ARFGEF2: variants seen among roughly 807,000 people sequenced by gnomAD.
ARFGEF2 encodes the protein brefeldin A-inhibited guanine nucleotide-exchange protein 2.
In ARFGEF2, 74 loss-of-function variants were observed where a neutral mutation model predicts 219.9. That is an observed-to-expected ratio of 0.34 (90% confidence interval 0.28 to 0.41). ARFGEF2 has a LOEUF of 0.41. ARFGEF2 is among the 10% of genes least tolerant of loss of function. ARFGEF2 has a pLI of 1.00. For missense variants in ARFGEF2, 1,743 were observed against 2,218.3 expected (o/e 0.79, Z 4.30); for synonymous variants, 733 against 799.2 (o/e 0.92, Z 1.40).
intron 26 of ARFGEF2, among the ~76,000 whole-genome samples, chr20:49,005,830 G>A (rs1296417670): frequency 6.6e-6 from 1 of 151,512 alleles, no homozygotes; most frequent in Non-Finnish European, 1.5e-5. Flanking sequence ...CACTGCAGAA[G>A]CATCCTCAAA....
At chr20:48,994,669 C>T in intron 22 of ARFGEF2, 71 bp downstream of exon 22, 2 of 1,590,964 alleles carry the variant, frequency 1.3e-6, no homozygotes, top group Non-Finnish European at 8.5e-7. Flanking sequence ...CTTCTTGTCT[C>T]ATCAGGACTG....
At position 49,018,942 on chromosome 20, in the gene ARFGEF2, G is replaced by A; in HGVS notation, c.4568G>A (p.Gly1523Glu). The A allele has an allele frequency of 1.9e-6, 3 of 1,614,080 alleles. No individual in the cohort carries two copies. Among genetic ancestry groups the A allele is most frequent in the Non-Finnish European group, 2.5e-6 (3 of 1,179,966 alleles). Reference protein sequence around the residue: ...SSIDKNPSERGQSQLSNPTDD... With the variant: ...SSIDKNPSEREQSQLSNPTDD... Reference sequence around the variant, plus strand: ...ATAGATAAAAATCCCTCTGAGAGGGGACAGAGCCAGCTCTCTAACCCAACA... The same window carrying A: ...ATAGATAAAAATCCCTCTGAGAGGGAACAGAGCCAGCTCTCTAACCCAACA... The change falls in exon 34 of 39, where the codon GGA (glycine) becomes GAA (glutamate). Residue 1523 changes from glycine (G) to glutamate (E), a missense_variant. Physicochemically the swap from Gly to Glu is moderately conservative, Grantham distance 98. Transcript: ENST00000371917.
intron 11 of ARFGEF2, among the ~76,000 whole-genome samples, chr20:48,972,847 A>AT (rs1316495110): frequency 2.0e-5 from 3 of 152,232 alleles, no homozygotes; most frequent in East Asian, 3.8e-4. Flanking sequence ...TAATTTTGTA[A>AT]GAGTGACACA....
chr20:49,016,572 G>A (rs564517196), intron 31 of ARFGEF2, among the ~76,000 whole-genome samples, 157 bp downstream of exon 31: 1 of 151,626 alleles, frequency 6.6e-6, no homozygotes, highest in Admixed American at 6.6e-5. Flanking sequence ...AAAAAACAGT[G>A]CCCCCCCCAA....
intron 1 of ARFGEF2, among the ~76,000 whole-genome samples, chr20:48,928,859 G>A (rs181260076): frequency 5.9e-5 from 9 of 152,292 alleles, no homozygotes; most frequent in Admixed American, 5.2e-4. Context: ...CTATTAGTTG[G>A]TTTATAGACC....
At chr20:49,003,850 A>G (rs1276573858) in intron 25 of ARFGEF2, among the ~76,000 whole-genome samples, 1 of 152,204 alleles carries the variant, frequency 6.6e-6, no homozygotes, top group Non-Finnish European at 1.5e-5. Flanking sequence ...TACAATTTTT[A>G]AGGAAATTGA....
chr20:48,995,483 CAATT>C (rs1166443264), intron 22 of ARFGEF2, among the ~76,000 whole-genome samples: 2 of 152,170 alleles, frequency 1.3e-5, no homozygotes, highest in Non-Finnish European at 2.9e-5. Context: ...GGATTAATAT[CAATT>C]GATTCAAATT....
At position 49,010,426 on chromosome 20, in the gene ARFGEF2, C is replaced by G. The variant is rs766567417; in HGVS notation, c.3757+22C>G. On this transcript the variant is annotated intron_variant, in intron 27 of 38. Transcript: ENST00000371917. Reference sequence around the variant, plus strand: ...GTCAGTAAGTGGCTCTGTTCCCTCCCTACTAATGTCCCACCTGCAAGTCTA... The same window carrying G: ...GTCAGTAAGTGGCTCTGTTCCCTCCGTACTAATGTCCCACCTGCAAGTCTA... The G allele has an allele frequency of 9.1e-5, 147 of 1,611,916 alleles. 1 individual carries two copies. The Middle Eastern group carries it at 9.9e-4, about 11-fold the overall frequency.
chr20:48,967,964 G>A (rs1397769429), intron 8 of ARFGEF2, among the ~76,000 whole-genome samples: 5 of 151,962 alleles, frequency 3.3e-5, no homozygotes, highest in Non-Finnish European at 5.9e-5. Context: ...ATATGTGGGG[G>A]ATATTAATCT....
Position 48,976,116 on chromosome 20 carries a change from G to A in ARFGEF2, c.1875G>A (p.Gly625=), listed in dbSNP as rs1482958513. 1 of 1,613,806 alleles carries A rather than the reference G, an allele frequency of 6.2e-7. No individual in the cohort carries two copies. Among genetic ancestry groups the A allele is most frequent in the Non-Finnish European group, 8.5e-7 (1 of 1,180,016 alleles). ...CCATGGAGTCCACAGTGTCCTCGGG[G>A]ACCCAGACAACTGTTCAGGATGACC... ...VTSMESTVSS[G]TQTTVQDDPE... Residue 625 remains glycine, a synonymous_variant, in exon 14 of 39, where the codon GGG becomes GGA. Coordinates refer to ENST00000371917, the MANE Select transcript of ARFGEF2 (RefSeq NM_006420.3).
intron 1 of ARFGEF2, among the ~76,000 whole-genome samples, chr20:48,937,912 A>G (rs900479265): frequency 4.6e-5 from 7 of 152,238 alleles, no homozygotes; most frequent in Non-Finnish European, 8.8e-5. Flanking sequence ...ATGGGTTCAC[A>G]GAGCAGTAAA....
At chr20:48,925,489 T>C (rs1423682154) in intron 1 of ARFGEF2, among the ~76,000 whole-genome samples, 2 of 152,224 alleles carry the variant, frequency 1.3e-5, no homozygotes, top group Non-Finnish European at 2.9e-5. Flanking sequence ...GCTCTTAAAC[T>C]ATATGAAGTT....
chr20:48,922,335 C>A (rs559243228), intron 1 of ARFGEF2, among the ~76,000 whole-genome samples: 53 of 152,320 alleles, frequency 3.5e-4, no homozygotes, highest in African/African-American at 1.2e-3. Context: ...GCCCTTGCCC[C>A]AAGTTTTTTC....
Position 48,994,810 on chromosome 20 carries a change from G to A in ARFGEF2, c.3121+212G>A, listed in dbSNP as rs374387226. ...TCTATTTTACCAAAGTCAGTAGGGT[G>A]CATTACTTTTCTTTCTATACCTATC... is the stretch of plus-strand genomic sequence containing the variant. On this transcript the variant is annotated intron_variant, in intron 22 of 38. Coordinates refer to ENST00000371917, the MANE Select transcript of ARFGEF2 (RefSeq NM_006420.3). 9.9e-5 allele frequency among the ~76,000 whole-genome samples: 15 copies of A among 152,244 alleles called. 1 individual carries two copies. Among genetic ancestry groups the A allele is most frequent in the South Asian group, 8.3e-4 (4 of 4,824 alleles).
chr20:48,991,224 T>C (rs372172383), intron 21 of ARFGEF2, 26 bp downstream of exon 21: 11 of 1,614,080 alleles, frequency 6.8e-6, no homozygotes, highest in Non-Finnish European at 9.3e-6. Flanking sequence ...AATTGCCTTT[T>C]CTCAGTTAGG....
At chr20:48,966,539 C>T (rs995079007) in intron 8 of ARFGEF2, among the ~76,000 whole-genome samples, 1 of 152,100 alleles carries the variant, frequency 6.6e-6, no homozygotes, top group Non-Finnish European at 1.5e-5. Context: ...TTCTCTCAGG[C>T]CCATAGATAT....
intron 8 of ARFGEF2, among the ~76,000 whole-genome samples, chr20:48,967,567 A>G (rs1043690581): frequency 1.3e-5 from 2 of 152,212 alleles, no homozygotes; most frequent in African/African-American, 2.4e-5. Context: ...AAGTCTAGCC[A>G]GGGGAACATA....
chr20:49,025,526 T>C, intron 36 of ARFGEF2, 45 bp downstream of exon 36: 7 of 1,610,068 alleles, frequency 4.3e-6, no homozygotes, highest in Non-Finnish European at 5.9e-6. Context: ...ACTGGTCACC[T>C]TCCTAAAACA....
intron 1 of ARFGEF2, among the ~76,000 whole-genome samples, chr20:48,939,433 C>T (rs1045805218): frequency 1.3e-5 from 2 of 152,002 alleles, no homozygotes; most frequent in Non-Finnish European, 2.9e-5. Flanking sequence ...CAGCAGCACC[C>T]CTCTGGCATG....
Sources: gnomAD v4.1 joint callset for allele counts (sites outside exome capture counted in the v4.1 genomes callset) on GRCh38, gnomAD v4.1.1 for gene constraint, MANE v1.5 for transcripts, NCBI Gene and HGNC (gene_info 2026-07-23, HGNC 2026-07-21) for gene names.